The following ZBTB20 variants were observed in gnomAD, a reference collection of about 807,000 sequenced individuals.
ZBTB20 encodes zinc finger and BTB domain-containing protein 20.
A neutral mutation model predicts 56.9 loss-of-function variants in ZBTB20; 9 were observed. The observed-to-expected ratio is 0.16, with a 90% CI of 0.10 to 0.28. ZBTB20 has a LOEUF of 0.28. ZBTB20 is among the 10% of genes least tolerant of loss of function. The pLI is 1.00. For missense variants in ZBTB20, 655 were observed against 1,003.0 expected (o/e 0.65, Z 4.69); for synonymous variants, 417 against 420.7 (o/e 0.99, Z 0.11).
chr3:114,740,684 T>C (rs1487249763), intron 5 of ZBTB20, among the ~76,000 whole-genome samples: 4 of 152,216 alleles, frequency 2.6e-5, no homozygotes, highest in Non-Finnish European at 4.4e-5. Context: ...TCTGTGTTTA[T>C]ATATTTTTGT....
At chr3:114,762,680 C>T (rs1043342305) in intron 5 of ZBTB20, among the ~76,000 whole-genome samples, 9 of 152,088 alleles carry the variant, frequency 5.9e-5, no homozygotes, top group African/African-American at 1.7e-4. Context: ...AATGAGCATC[C>T]GTCTGAGCCA....
At chr3:115,089,812 C>T (rs972206876) in intron 1 of ZBTB20, among the ~76,000 whole-genome samples, 1 of 151,728 alleles carries the variant, frequency 6.6e-6, no homozygotes, top group Non-Finnish European at 1.5e-5. Flanking sequence ...AGCAATATCT[C>T]GCTTCCTTAA....
At chr3:114,684,329 C>T (rs1276426071) in intron 6 of ZBTB20, among the ~76,000 whole-genome samples, 1 of 151,982 alleles carries the variant, frequency 6.6e-6, no homozygotes, top group African/African-American at 2.4e-5. Flanking sequence ...CATAATGGGG[C>T]CTATTGAAAA....
chr3:114,755,860 T>C (rs1376557251), intron 5 of ZBTB20, among the ~76,000 whole-genome samples: 1 of 152,156 alleles, frequency 6.6e-6, no homozygotes, highest in Non-Finnish European at 1.5e-5. Flanking sequence ...TCAAAAGCCA[T>C]TTTCAAGACA....
chr3:114,798,938 AT>A (rs1341259114), intron 5 of ZBTB20, among the ~76,000 whole-genome samples: 1 of 151,834 alleles, frequency 6.6e-6, no homozygotes, highest in African/African-American at 2.4e-5. Flanking sequence ...TTGGAAATAA[AT>A]TTTAAAAACT....
At chr3:114,552,437 T>G (rs1324079175) in intron 6 of ZBTB20, among the ~76,000 whole-genome samples, 2 of 152,016 alleles carry the variant, frequency 1.3e-5, no homozygotes, top group African/African-American at 4.8e-5. Flanking sequence ...TGTTTTTTTT[T>G]TTTTCCACTT....
intron 5 of ZBTB20, among the ~76,000 whole-genome samples, chr3:114,728,913 G>A (rs903250810): frequency 6.6e-6 from 1 of 152,050 alleles, no homozygotes; most frequent in Non-Finnish European, 1.5e-5. Flanking sequence ...CATGTCCTCA[G>A]GGGAGGGCAG....
intron 6 of ZBTB20, among the ~76,000 whole-genome samples, chr3:114,562,075 T>C (rs1301535379): frequency 6.6e-6 from 1 of 152,224 alleles, no homozygotes; most frequent in African/African-American, 2.4e-5. Flanking sequence ...TTCAAACTTT[T>C]CTTCTAAAGC....
intron 6 of ZBTB20, among the ~76,000 whole-genome samples, chr3:114,661,722 G>A (rs2060734603): frequency 6.6e-6 from 1 of 151,970 alleles, no homozygotes. Context: ...ACCATTTCAT[G>A]AGTTTGTCTA....
chr3:114,910,923 TG>T (rs1021107382), intron 3 of ZBTB20, among the ~76,000 whole-genome samples: 5 of 152,076 alleles, frequency 3.3e-5, no homozygotes, highest in Admixed American at 6.6e-5. Context: ...TGTTCCCAAG[TG>T]TTGTTTTCTT....
At chr3:114,593,622 G>C (rs1358763410) in intron 6 of ZBTB20, among the ~76,000 whole-genome samples, 1 of 152,132 alleles carries the variant, frequency 6.6e-6, no homozygotes, top group Non-Finnish European at 1.5e-5. Context: ...GACCTCTGGT[G>C]ATCCACCCAC....
chr3:114,785,609 GAGT>G (rs2070420927), intron 5 of ZBTB20, among the ~76,000 whole-genome samples: 1 of 152,016 alleles, frequency 6.6e-6, no homozygotes, highest in African/African-American at 2.4e-5. Context: ...TTGTGTTTTG[GAGT>G]AGTTTTCAGT....
In ZBTB20 at chr3:114,857,905, T is replaced by C. The variant is rs1033455180; in HGVS notation, c.-417+42399A>G. ...CCCTTGTGGTGCTAGGCCAATCCCTTTGTTCCACTTAAAAATAAAATCGGA... is the reference window on the plus strand; with the variant it reads ...CCCTTGTGGTGCTAGGCCAATCCCTCTGTTCCACTTAAAAATAAAATCGGA... On this transcript the variant is annotated intron_variant, in intron 4 of 11. Transcript: ENST00000675478. Among the ~76,000 whole-genome samples, 4 of 152,304 alleles carry C rather than the reference T, an allele frequency of 2.6e-5. No homozygotes were observed. In the East Asian group the frequency reaches 7.7e-4, roughly 29 times the overall value.
chr3:115,029,258 G>T (rs1183323759), intron 2 of ZBTB20, among the ~76,000 whole-genome samples: 1 of 150,768 alleles, frequency 6.6e-6, no homozygotes, highest in Non-Finnish European at 1.5e-5. Flanking sequence ...ACATCTTCCA[G>T]ATGAGAAACC....
Position 114,328,759 on chromosome 3 carries a change from T to A in ZBTB20, c.*10246A>T, listed in dbSNP as rs886908904. On this transcript the variant is annotated 3_prime_UTR_variant, in exon 12 of 12. Coordinates refer to ENST00000675478, the MANE Select transcript of ZBTB20 (RefSeq NM_001348800.3). ...AAAACTTAAAGAAGGATGTTCAGAA[T>A]GGGGTGGAGAAAGGAAGAGAAATGA... The A allele has an allele frequency of 2.6e-5, 4 of 152,078 alleles. No homozygotes were observed. The highest frequency in any genetic ancestry group is 5.9e-5 in the Non-Finnish European group (4 of 68,016). The allele number at this position is 152,078 out of a possible 1,614,324, so 9.4% of individuals were successfully genotyped here.
chr3:114,839,454 AG>A (rs2074277085), intron 4 of ZBTB20, among the ~76,000 whole-genome samples: 1 of 151,678 alleles, frequency 6.6e-6, no homozygotes, highest in Non-Finnish European at 1.5e-5. Flanking sequence ...AAAGAAAGAA[AG>A]AAAGAAAGAA....
At chr3:114,525,158 T>A (rs1016465019) in intron 6 of ZBTB20, among the ~76,000 whole-genome samples, 2 of 151,754 alleles carry the variant, frequency 1.3e-5, no homozygotes, top group African/African-American at 2.4e-5. Flanking sequence ...GTTTGCTTTT[T>A]TTGTTGGGGG....
intron 5 of ZBTB20, among the ~76,000 whole-genome samples, chr3:114,695,907 T>C (rs763558795): frequency 1.3e-5 from 2 of 152,074 alleles, no homozygotes; most frequent in Non-Finnish European, 2.9e-5. Flanking sequence ...GAGACTAGAA[T>C]ATTCTGACCA....
rs1331538816 is a variant in ZBTB20 at position 114,320,407 on chromosome 3, AT to A, written c.*18597del. On this transcript the variant is annotated 3_prime_UTR_variant, in exon 12 of 12. Coordinates refer to ENST00000675478, the MANE Select transcript of ZBTB20 (RefSeq NM_001348800.3). ...AAAGTACAATACAATAGAATCAGGC[AT>A]TGCCAAGAATAGCATGATGTGCAAC... is the stretch of plus-strand genomic sequence containing the variant. 6.6e-6 allele frequency: 1 copy of A among 152,236 alleles called. No individual in the cohort carries two copies. Among genetic ancestry groups the A allele is most frequent in the African/African-American group, 2.4e-5 (1 of 41,470 alleles). 9.4% of individuals were successfully genotyped at this position (152,236 alleles called of 1,614,324 possible). A position where few individuals can be genotyped will look rare whatever the true frequency, so the allele number is the denominator to read the frequency against.
Sources: gnomAD v4.1 joint callset for allele counts (sites outside exome capture counted in the v4.1 genomes callset) on GRCh38, gnomAD v4.1.1 for gene constraint, MANE v1.5 for transcripts, NCBI Gene and HGNC (gene_info 2026-07-23, HGNC 2026-07-21) for gene names.